The following BMPR1A variants were observed in gnomAD, a reference collection of about 807,000 sequenced individuals.
The protein encoded by BMPR1A is bone morphogenetic protein receptor type-1A.
Under a neutral mutation model 66.0 loss-of-function variants are expected in BMPR1A, and 7 were observed. The ratio of observed to expected loss-of-function variants is 0.11; its 90% confidence interval spans 0.06 to 0.20. The LOEUF (loss-of-function observed/expected upper bound fraction) is 0.20. Among genes scored for constraint, BMPR1A ranks in the 10% least tolerant of loss-of-function variants. BMPR1A has a pLI of 1.00. For synonymous variants in BMPR1A, 200 were observed against 229.7 expected (o/e 0.87, Z 1.17); for missense variants, 408 against 669.1 (o/e 0.61, Z 4.31).
chr10:86,850,526 C>A (rs896283731), intron 2 of BMPR1A, among the ~76,000 whole-genome samples: 1 of 152,160 alleles, frequency 6.6e-6, no homozygotes, highest in African/African-American at 2.4e-5. Flanking sequence ...TGCAAGCTAG[C>A]CAGCTCTGCC....
At chr10:86,821,422 G>A (rs1842118505) in intron 1 of BMPR1A, among the ~76,000 whole-genome samples, 2 of 152,052 alleles carry the variant, frequency 1.3e-5, no homozygotes, top group African/African-American at 2.4e-5. Context: ...TGCTTGTTCT[G>A]CCGTCATTAA....
chr10:86,774,055 T>C (rs1230297742), intron 1 of BMPR1A, among the ~76,000 whole-genome samples: 1 of 152,056 alleles, frequency 6.6e-6, no homozygotes, highest in Non-Finnish European at 1.5e-5. Context: ...TTCACCATAA[T>C]GGCCAGGCTG....
At chr10:86,931,315 T>G (rs192045168), downstream of BMPR1A, 1 of 103,288 alleles carries the variant, frequency 9.7e-6, no homozygotes, top group East Asian at 4.9e-4. Flanking sequence ...ATATATATAT[T>G]CAAGCAATGT....
In BMPR1A at chr10:86,807,724, G is replaced by T. The variant is rs1841910801; in HGVS notation, c.-267-31141G>T. ...ATTCCGTTTAATCTGTTTTGACAGTGCATACGCTTCTGTAATCTCTATCAA... is the reference window on the plus strand; with the variant it reads ...ATTCCGTTTAATCTGTTTTGACAGTTCATACGCTTCTGTAATCTCTATCAA... On this transcript the variant is annotated intron_variant, in intron 1 of 12. Coordinates refer to ENST00000372037, the MANE Select transcript of BMPR1A (RefSeq NM_004329.3). 3.3e-5 allele frequency among the ~76,000 whole-genome samples: 5 copies of T among 152,070 alleles called. No individual in the cohort carries two copies. In the South Asian group the frequency reaches 1.0e-3, roughly 32 times the overall value.
chr10:86,874,217 A>G (rs1842889828), intron 2 of BMPR1A, among the ~76,000 whole-genome samples: 1 of 152,218 alleles, frequency 6.6e-6, no homozygotes, highest in Non-Finnish European at 1.5e-5. Context: ...TTATTTATTT[A>G]ACAATTTTAC....
At chr10:86,822,040 C>A (rs1385129217) in intron 1 of BMPR1A, among the ~76,000 whole-genome samples, 1 of 152,098 alleles carries the variant, frequency 6.6e-6, no homozygotes, top group African/African-American at 2.4e-5. Flanking sequence ...TGTTCCCAGG[C>A]TGGTCTCGAA....
chr10:86,784,009 GT>G (rs1417231064), intron 1 of BMPR1A, among the ~76,000 whole-genome samples: 3 of 152,122 alleles, frequency 2.0e-5, no homozygotes, highest in Non-Finnish European at 2.9e-5. Context: ...AGTTCTAACA[GT>G]TTTTTTGTGA....
At chr10:86,770,119 C>T (rs371188121) in intron 1 of BMPR1A, among the ~76,000 whole-genome samples, 9 of 152,244 alleles carry the variant, frequency 5.9e-5, no homozygotes, top group East Asian at 3.9e-4. Context: ...GGCGAAACCC[C>T]GTCTCTACAA....
Position 86,912,396 on chromosome 10 carries a change from G to A in BMPR1A, c.675+12G>A, listed in dbSNP as rs12267107. The stretch of plus-strand genomic sequence containing the variant: ...GACTACCTTTATTGGTAAGTTAAAC[G>A]TTCCTATAGACATGAATGGTGTGTT... On this transcript the variant is annotated intron_variant, in intron 8 of 12. Transcript: ENST00000372037. The A allele has an allele frequency of 7.5e-3, 12,071 of 1,613,626 alleles. 759 individuals carry two copies. The African/African-American group carries it at 0.14, about 18-fold the overall frequency.
At chr10:86,770,318 A>G (rs893356902) in intron 1 of BMPR1A, among the ~76,000 whole-genome samples, 1 of 152,148 alleles carries the variant, frequency 6.6e-6, no homozygotes, top group Non-Finnish European at 1.5e-5. Context: ...CAACTGAGGC[A>G]GGAGGACTGC....
At chr10:86,812,982 C>G (rs560842852) in intron 1 of BMPR1A, among the ~76,000 whole-genome samples, 1 of 152,322 alleles carries the variant, frequency 6.6e-6, no homozygotes, top group East Asian at 1.9e-4. Flanking sequence ...GCTCCCTCCT[C>G]TCAACCCCTG....
At chr10:86,910,622 C>T (rs1350208819) in intron 7 of BMPR1A, among the ~76,000 whole-genome samples, 1 of 151,494 alleles carries the variant, frequency 6.6e-6, no homozygotes. Flanking sequence ...TTTTTTTTTG[C>T]CATATACCCT....
chr10:86,914,266 T>G (rs1459471153), intron 8 of BMPR1A, among the ~76,000 whole-genome samples: 1 of 152,192 alleles, frequency 6.6e-6, no homozygotes, highest in Non-Finnish European at 1.5e-5. Context: ...TAACTTGAAA[T>G]GTAGCATAGA....
intron 5 of BMPR1A, among the ~76,000 whole-genome samples, chr10:86,893,971 T>TA (rs1425946162): frequency 2.0e-5 from 3 of 152,214 alleles, no homozygotes; most frequent in East Asian, 1.9e-4. Context: ...CTTTACTAAG[T>TA]AAAAAAAGTG....
At chr10:86,896,107 T>C (rs2133432481) in intron 5 of BMPR1A, among the ~76,000 whole-genome samples, 1 of 148,842 alleles carries the variant, frequency 6.7e-6, no homozygotes, top group Admixed American at 6.8e-5. Context: ...TGAGCCGAGA[T>C]AGCACCACTG....
intron 2 of BMPR1A, among the ~76,000 whole-genome samples, chr10:86,845,494 A>G (rs1034926936): frequency 9.9e-5 from 15 of 152,186 alleles, no homozygotes; most frequent in Non-Finnish European, 2.1e-4. Context: ...CCGAGGAACA[A>G]AACAGAGCAG....
intron 1 of BMPR1A, among the ~76,000 whole-genome samples, chr10:86,810,331 A>G (rs1177774919): frequency 6.6e-6 from 1 of 152,148 alleles, no homozygotes; most frequent in African/African-American, 2.4e-5. Flanking sequence ...GTTGGTTGAT[A>G]AGGCATTTGG....
At chr10:86,931,298 C>CATATATATATAT (rs1175375580), downstream of BMPR1A, 28 of 90,902 alleles carry the variant, frequency 3.1e-4, 2 homozygotes, top group African/African-American at 1.8e-3. Flanking sequence ...CACACACACA[C>CATATATATATAT]ATATATATAT....
intron 1 of BMPR1A, among the ~76,000 whole-genome samples, chr10:86,791,801 A>G (rs994389800): frequency 7.1e-6 from 1 of 141,614 alleles, no homozygotes; most frequent in African/African-American, 2.6e-5. Context: ...GGCTCACTGC[A>G]ACCTCTGCCC....
Sources: gnomAD v4.1 joint callset for allele counts (sites outside exome capture counted in the v4.1 genomes callset) on GRCh38, gnomAD v4.1.1 for gene constraint, MANE v1.5 for transcripts, NCBI Gene and HGNC (gene_info 2026-07-23, HGNC 2026-07-21) for gene names.